The following ASIP variants were observed in gnomAD, a reference collection of about 807,000 sequenced individuals.
ASIP encodes agouti signaling protein.
ASIP carries 11 observed loss-of-function variants against 10.3 expected under a neutral mutation model. That is an observed-to-expected ratio of 1.07 (90% confidence interval 0.68 to 1.78). ASIP has a LOEUF of 1.78. Ranked by LOEUF, ASIP falls within the 40% of genes most tolerant of loss-of-function variation. The pLI, the probability that ASIP is intolerant of heterozygous loss-of-function variation, is 0.00. For missense variants in ASIP, 180 were observed against 169.2 expected, an observed-to-expected ratio of 1.06 and a Z score of -0.35; for synonymous variants, 70 against 70.8, an observed-to-expected ratio of 0.99 and a Z score of 0.06.
At chr20:34,210,181 G>A (rs944644334) in intron 1 of ASIP, among the ~76,000 whole-genome samples, 2 of 152,240 alleles carry the variant, frequency 1.3e-5, no homozygotes, top group African/African-American at 2.4e-5. Context: ...GGGACTAAAA[G>A]AGGTGTAACA....
In ASIP at chr20:34,214,938, T is replaced by G. The variant is rs2034997747; in HGVS notation, c.-11+20178T>G. 16 of 1,467,498 alleles carry G rather than the reference T, an allele frequency of 1.1e-5. No homozygotes were observed. In the South Asian group the frequency reaches 1.8e-4, roughly 17 times the overall value. The allele number at this position is 1,467,498 out of a possible 1,614,324, so 90.9% of individuals were successfully genotyped here. On this transcript the variant is annotated intron_variant, in intron 1 of 3. Coordinates refer to the ASIP transcript ENST00000568305. ...CATTCTTAATATTCCCATTCTTAGT[T>G]AATTTACTCCAACTAACTATCCATG...
At chr20:34,195,878 G>GTAACCCCCA (rs1047449782) in intron 1 of ASIP, among the ~76,000 whole-genome samples, 1 of 152,082 alleles carries the variant, frequency 6.6e-6, no homozygotes, top group African/African-American at 2.4e-5. Context: ...GTCCAGCGCA[G>GTAACCCCCA]TAACCCCCAT....
chr20:34,186,709 G>GA, the ASIP span, among the ~76,000 whole-genome samples: 1 of 152,040 alleles, frequency 6.6e-6, no homozygotes, highest in East Asian at 1.9e-4. Context: ...TTTCTATTGG[G>GA]AGCTTGGTAA....
chr20:34,192,155 G>A (rs1423007683), upstream of ASIP, among the ~76,000 whole-genome samples: 1 of 152,102 alleles, frequency 6.6e-6, no homozygotes, highest in East Asian at 1.9e-4. Flanking sequence ...TTCTGCCTCA[G>A]CCTCCCAAGT....
chr20:34,188,498 C>T, the ASIP span, among the ~76,000 whole-genome samples: 1 of 152,104 alleles, frequency 6.6e-6, no homozygotes, highest in Non-Finnish European at 1.5e-5. Flanking sequence ...TAACATATTC[C>T]AAAACTTATT....
intron 1 of ASIP, chr20:34,246,105 A>G: frequency 1.1e-6 from 1 of 896,408 alleles, no homozygotes. Flanking sequence ...TTGAGCAAAA[A>G]TCTTTGTGCT....
chr20:34,253,105 CT>C (rs915885806), intron 1 of ASIP, among the ~76,000 whole-genome samples: 4 of 149,388 alleles, frequency 2.7e-5, no homozygotes, highest in Non-Finnish European at 3.0e-5. Context: ...ATCTCTCTTT[CT>C]TTTTTTTTTA....
chr20:34,206,909 G>C (rs1049700962), intron 1 of ASIP, among the ~76,000 whole-genome samples: 6 of 152,216 alleles, frequency 3.9e-5, no homozygotes, highest in African/African-American at 1.4e-4. Flanking sequence ...TTTGTTGATG[G>C]ACAGTTAGGT....
intron 1 of ASIP, among the ~76,000 whole-genome samples, chr20:34,195,626 G>T (rs1324217658): frequency 6.6e-6 from 1 of 152,198 alleles, no homozygotes; most frequent in African/African-American, 2.4e-5. Flanking sequence ...AAAGCTGACC[G>T]ACATTTACCT....
Position 34,260,373 on chromosome 20 carries a change from G to A in ASIP, c.-2G>A. 3.1e-6 allele frequency: 5 copies of A among 1,612,792 alleles called. No homozygotes were observed. The highest frequency in any genetic ancestry group is 4.2e-6 in the Non-Finnish European group (5 of 1,179,176). ...TTCTCTGTCCCACTCAGGCCTCCTG[G>A]GATGGATGTCACCCGCTTACTCCTG... On this transcript the variant is annotated 5_prime_UTR_variant, in exon 2 of 4. Coordinates refer to ENST00000374954, the MANE Select transcript of ASIP (RefSeq NM_001672.3).
intron 1 of ASIP, among the ~76,000 whole-genome samples, chr20:34,255,199 T>C (rs1230070357): frequency 3.3e-5 from 5 of 152,250 alleles, no homozygotes; most frequent in African/African-American, 1.2e-4. Context: ...TATTGGCCTC[T>C]GGTCATGAGC....
intron 1 of ASIP, chr20:34,214,186 T>C: frequency 7.9e-7 from 1 of 1,264,068 alleles, no homozygotes; most frequent in South Asian, 1.2e-5. Context: ...ATGAAAGGAT[T>C]CATTTGCTTA....
At chr20:34,221,971 G>A (rs981463304) in intron 1 of ASIP, among the ~76,000 whole-genome samples, 5 of 152,152 alleles carry the variant, frequency 3.3e-5, no homozygotes, top group African/African-American at 1.2e-4. Context: ...TTAGCCAGGT[G>A]TGGTGGCATG....
chr20:34,188,961 G>A, the ASIP span, among the ~76,000 whole-genome samples: 1 of 152,162 alleles, frequency 6.6e-6, no homozygotes, highest in Non-Finnish European at 1.5e-5. Context: ...ATAGGGCTCT[G>A]AGATCTTTAA....
chr20:34,216,843 C>A (rs1042187177), intron 1 of ASIP, among the ~76,000 whole-genome samples: 3 of 152,044 alleles, frequency 2.0e-5, no homozygotes, highest in African/African-American at 7.2e-5. Flanking sequence ...TAAATTTGTT[C>A]TTTTTTCAAT....
chr20:34,267,177 G>C (rs147321418), intron 3 of ASIP, among the ~76,000 whole-genome samples: 1 of 152,132 alleles, frequency 6.6e-6, no homozygotes, highest in Non-Finnish European at 1.5e-5. Flanking sequence ...GTCTCATGGA[G>C]TTTACATTCT....
intron 1 of ASIP, among the ~76,000 whole-genome samples, chr20:34,197,382 G>A (rs1451215809): frequency 6.6e-6 from 1 of 152,118 alleles, no homozygotes; most frequent in East Asian, 1.9e-4. Flanking sequence ...AAAAGAAGTA[G>A]CTGTACTAGA....
intron 1 of ASIP, chr20:34,246,513 C>A (rs2035378420): frequency 2.4e-6 from 3 of 1,235,642 alleles, no homozygotes; most frequent in East Asian, 2.3e-5. Flanking sequence ...TTGCAATCAG[C>A]CCCACTGGAT....
chr20:34,212,900 T>C (rs981968399), intron 1 of ASIP, among the ~76,000 whole-genome samples: 2 of 152,226 alleles, frequency 1.3e-5, no homozygotes, highest in Non-Finnish European at 2.9e-5. Flanking sequence ...CAATTCTTAC[T>C]ATGATGGTTG....
Sources: gnomAD v4.1 joint callset for allele counts (sites outside exome capture counted in the v4.1 genomes callset) on GRCh38, gnomAD v4.1.1 for gene constraint, MANE v1.5 for transcripts, NCBI Gene and HGNC (gene_info 2026-07-23, HGNC 2026-07-21) for gene names.